The following SNX27 variants were observed in gnomAD, a reference collection of about 807,000 sequenced individuals.
SNX27 encodes the protein sorting nexin-27.
SNX27 carries 22 observed loss-of-function variants against 71.6 expected under a neutral mutation model. That is an observed-to-expected ratio of 0.31 (90% CI 0.22 to 0.44). The LOEUF (loss-of-function observed/expected upper bound fraction) is 0.44, where lower values mean the gene tolerates loss of function less well. SNX27 is among the 20% of genes least tolerant of loss of function. SNX27 has a pLI of 1.00. For synonymous variants in SNX27, 269 were observed against 277.2 expected (o/e 0.97, Z 0.29); for missense variants, 531 against 698.6 (o/e 0.76, Z 2.70).
intron 1 of SNX27, among the ~76,000 whole-genome samples, chr1:151,621,603 A>G (rs903994229): frequency 6.6e-6 from 1 of 152,214 alleles, no homozygotes; most frequent in African/African-American, 2.4e-5. Context: ...GCTCTGGTGC[A>G]TGCTCTCCCA....
intron 8 of SNX27, among the ~76,000 whole-genome samples, chr1:151,690,626 TTA>T (rs1197033258): frequency 1.3e-5 from 2 of 151,736 alleles, no homozygotes; most frequent in Non-Finnish European, 2.9e-5. Context: ...GTTTTTTTTT[TTA>T]TAGAGATGGG....
chr1:151,639,888 A>G (rs1668648693), intron 2 of SNX27, among the ~76,000 whole-genome samples: 1 of 152,226 alleles, frequency 6.6e-6, no homozygotes, highest in African/African-American at 2.4e-5. Flanking sequence ...ATAATGAGAA[A>G]TGTTCATTAT....
In SNX27 at chr1:151,612,629, G is replaced by A. The variant is rs1283943573; in HGVS notation, c.311+117G>A. Reference sequence around the variant, plus strand: ...CCCCCGAGCTCCGAGCCGGCCTCCGGACCCCCGCCCCTCAGGCCTCCGCAG... The same window carrying A: ...CCCCCGAGCTCCGAGCCGGCCTCCGAACCCCCGCCCCTCAGGCCTCCGCAG... On this transcript the variant is annotated intron_variant, in intron 1 of 11. Transcript: ENST00000458013. The surrounding 1 kb of genome is among the most constrained non-coding windows in gnomAD (Gnocchi z 5.2). 2.3e-5 allele frequency: 19 copies of A among 818,300 alleles called. 1 individual carries two copies. In the Admixed American group the frequency reaches 6.9e-4, roughly 30 times the overall value. 50.7% of individuals were successfully genotyped at this position (818,300 alleles called of 1,614,324 possible). A position where few individuals can be genotyped will look rare whatever the true frequency, so the allele number is the denominator to read the frequency against.
At chr1:151,693,576 C>T in intron 11 of SNX27, 93 bp downstream of exon 11, 4 of 1,612,916 alleles carry the variant, frequency 2.5e-6, no homozygotes, top group Non-Finnish European at 3.4e-6. Context: ...CCCTCACCTC[C>T]ATCTCTGTCT....
In SNX27 at chr1:151,612,806, C is replaced by T. The variant is rs1311387554; in HGVS notation, c.311+294C>T. On this transcript the variant is annotated intron_variant, in intron 1 of 11. Transcript: ENST00000458013. The surrounding 1 kb of genome is among the most constrained non-coding windows in gnomAD (Gnocchi z 5.2). ...CTCTGGGCTCTTCTCCGCCCCTTTG[C>T]CTTCCCGTTTGGCGTGCTGCATTCT... 6.6e-6 allele frequency among the ~76,000 whole-genome samples: 1 copy of T among 152,150 alleles called. No individual in the cohort carries two copies. Among genetic ancestry groups the T allele is most frequent in the Non-Finnish European group, 1.5e-5 (1 of 68,030 alleles).
chr1:151,660,733 A>G (rs1669925965), intron 3 of SNX27, 65 bp from the exon 4 acceptor site: 1 of 1,233,808 alleles, frequency 8.1e-7, no homozygotes. Flanking sequence ...AAACTTTGAT[A>G]CGTCTTTGAC....
chr1:151,683,976 A>G (rs1671079715), intron 8 of SNX27, among the ~76,000 whole-genome samples: 1 of 152,096 alleles, frequency 6.6e-6, no homozygotes, highest in African/African-American at 2.4e-5. Context: ...CCATAATTTT[A>G]TTATTAATAA....
chr1:151,683,421 A>G lies in SNX27; in HGVS notation c.1215A>G (p.Leu405=), dbSNP rs1217564237. The change falls in exon 8 of 12, where the codon CTA becomes CTG. Residue 405 remains leucine, a synonymous_variant. Coordinates refer to ENST00000458013, the MANE Select transcript of SNX27 (RefSeq NM_001330723.2). ...AEEKSYQLQK[L]YEQRKMVMYL... is the part of the protein sequence containing the mutation. ...AAAAGTCCTATCAATTACAGAAGCT[A>G]TACGAACAAAGAAAAATGGTCATGG... 3 of 1,613,668 alleles carry G rather than the reference A, an allele frequency of 1.9e-6. No homozygotes were observed. Among genetic ancestry groups the G allele is most frequent in the African/African-American group, 2.7e-5 (2 of 75,042 alleles).
At chr1:151,629,449 A>ATG (rs1491390965) in intron 1 of SNX27, 3 of 113,482 alleles carry the variant, frequency 2.6e-5, no homozygotes, top group Admixed American at 2.0e-4. Context: ...ATATATACAC[A>ATG]TGTATATATA....
chr1:151,658,176 T>A (rs374908980), intron 2 of SNX27, 59 bp from the exon 3 acceptor site: 10 of 1,481,880 alleles, frequency 6.7e-6, no homozygotes, highest in Middle Eastern at 1.8e-4. Context: ...CCTGACTAGA[T>A]GATTTTGTGA....
At position 151,692,496 on chromosome 1, in the gene SNX27, G is replaced by T; in HGVS notation, c.1301G>T (p.Cys434Phe). The T allele has an allele frequency of 6.6e-7, 1 of 1,522,626 alleles. No individual in the cohort carries two copies. The highest frequency in any genetic ancestry group is 8.9e-7 in the Non-Finnish European group (1 of 1,127,960). The allele number at this position is 1,522,626 out of a possible 1,614,324, so 94.3% of individuals were successfully genotyped here. Reference sequence around the variant, plus strand: ...GAAATCATCTTTCCCCACTGTGCCTGTGACTCCAGGAGGAAGGGGCACGTT... The same window carrying T: ...GAAATCATCTTTCCCCACTGTGCCTTTGACTCCAGGAGGAAGGGGCACGTT... ...YNEIIFPHCA[C>F]DSRRKGHVIT... Residue 434 changes from cysteine to phenylalanine, a missense_variant, in exon 9 of 12, where the codon TGT becomes TTT. Cys to Phe is a radical substitution (Grantham distance 205). Coordinates refer to ENST00000458013, the MANE Select transcript of SNX27 (RefSeq NM_001330723.2).
chr1:151,632,416 A>G (rs1293370627), intron 1 of SNX27, among the ~76,000 whole-genome samples: 1 of 152,182 alleles, frequency 6.6e-6, no homozygotes, highest in African/African-American at 2.4e-5. Context: ...TCAGCTTCCC[A>G]AAGTGCTGGG....
At chr1:151,662,081 T>C in intron 4 of SNX27, 85 bp from the exon 5 acceptor site, 1 of 867,156 alleles carries the variant, frequency 1.2e-6, no homozygotes, top group Non-Finnish European at 1.8e-6. Flanking sequence ...TCTACCACGT[T>C]TTAGGTTATT....
At chr1:151,691,147 G>A (rs1447525924) in intron 8 of SNX27, among the ~76,000 whole-genome samples, 1 of 152,094 alleles carries the variant, frequency 6.6e-6, no homozygotes, top group East Asian at 1.9e-4. Flanking sequence ...GAAATAGAAG[G>A]TGGTATGTGC....
chr1:151,696,522 GTTCTTTCTTTCTTTCT>G lies in SNX27; in HGVS notation c.*2114_*2129del, dbSNP rs796844038. 9.8e-6 allele frequency: 1 copy of G among 102,306 alleles called. No individual in the cohort carries two copies. The highest frequency in any genetic ancestry group is 3.4e-5 in the African/African-American group (1 of 29,278). The allele number at this position is 102,306 out of a possible 1,614,324, so 6.3% of individuals were successfully genotyped here. A position where few individuals can be genotyped will look rare whatever the true frequency, so the allele number is the denominator to read the frequency against. ...CTTTCTTTCGTTCTTTCGTTCTTTC[GTTCTTTCTTTCTTTCT>G]TTCTTTCTCTTTCTTTCTTTTGCTT... On this transcript the variant is annotated 3_prime_UTR_variant, in exon 12 of 12. Transcript: ENST00000458013.
intron 2 of SNX27, among the ~76,000 whole-genome samples, chr1:151,653,836 G>GT (rs60604221): frequency 0.69 from 89,911 of 129,698 alleles, 34,021 homozygotes; most frequent in Non-Finnish European, 0.85. Context: ...AGTTTTTTTT[G>GT]TTTTTTTTTT....
chr1:151,655,128 ATACAGT>A (rs1213893085), intron 2 of SNX27, among the ~76,000 whole-genome samples: 1 of 151,514 alleles, frequency 6.6e-6, no homozygotes, highest in Non-Finnish European at 1.5e-5. Context: ...TTCTCCTGGC[ATACAGT>A]TAAGCTACTT....
chr1:151,675,556 GT>G (rs1670648505), intron 7 of SNX27, among the ~76,000 whole-genome samples: 1 of 149,338 alleles, frequency 6.7e-6, no homozygotes, highest in Non-Finnish European at 1.5e-5. Flanking sequence ...TTTTTGTTTT[GT>G]TTTGTTTTGT....
At chr1:151,688,200 G>A (rs2102734007) in intron 8 of SNX27, among the ~76,000 whole-genome samples, 1 of 152,298 alleles carries the variant, frequency 6.6e-6, no homozygotes, top group Middle Eastern at 3.4e-3. Context: ...CTCACTGGGA[G>A]ACAGGGTGGT....
Sources: gnomAD v4.1 joint callset for allele counts (sites outside exome capture counted in the v4.1 genomes callset) on GRCh38, gnomAD v4.1.1 for gene constraint, Gnocchi (gnomAD v3.1) non-coding constraint, MANE v1.5 for transcripts, NCBI Gene and HGNC (gene_info 2026-07-23, HGNC 2026-07-21) for gene names.